Variants in IFNAR2 observed in about 807,000 individuals in gnomAD.
IFNAR2 encodes interferon alpha/beta receptor 2.
Under a neutral mutation model 49.4 loss-of-function variants are expected in IFNAR2, and 30 were observed. The observed-to-expected ratio is 0.61, with a 90% CI of 0.45 to 0.82. The LOEUF (loss-of-function observed/expected upper bound fraction) is 0.82, where lower values mean the gene tolerates loss of function less well. IFNAR2 is among the 40% of genes least tolerant of loss of function. The probability of loss-of-function intolerance (pLI) is 0.00; values close to 1 mark genes in which losing one functional copy is unlikely to be tolerated. For synonymous variants in IFNAR2, 224 were observed against 234.5 expected (o/e 0.96, Z 0.41); for missense variants, 600 against 622.7 (o/e 0.96, Z 0.39).
At chr21:33,252,233 C>T in intron 6 of IFNAR2, 3 of 465,866 alleles carry the variant, frequency 6.4e-6, no homozygotes, top group South Asian at 1.6e-5. Flanking sequence ...ACAGTTTTCT[C>T]ATCCGTTGAA....
chr21:33,236,327 G>C (rs921945938), intron 1 of IFNAR2, among the ~76,000 whole-genome samples: 1 of 152,098 alleles, frequency 6.6e-6, no homozygotes. Context: ...GCTTCCCCTC[G>C]ATCCAGCCTG....
chr21:33,254,954 A>G (rs1347939622), intron 7 of IFNAR2, among the ~76,000 whole-genome samples: 1 of 152,182 alleles, frequency 6.6e-6, no homozygotes, highest in Non-Finnish European at 1.5e-5. Context: ...TGATATGGTC[A>G]CTTGTGAATG....
Position 33,230,378 on chromosome 21 carries a change from G to A in IFNAR2, c.-84+162G>A, listed in dbSNP as rs1166980445. ...CCCTCCCTCTGCGTCTTGAGTATGC[G>A]GCTAGTGCGCCCTTCCTCTCTCCCG... On this transcript the variant is annotated intron_variant, in intron 1 of 8. Transcript: ENST00000342136. The surrounding 1 kb of genome is among the most constrained non-coding windows in gnomAD (Gnocchi z 5.5). 6 of 580,464 alleles carry A rather than the reference G, an allele frequency of 1.0e-5. No individual in the cohort carries two copies. The East Asian group carries it at 5.7e-4, about 56-fold the overall frequency. 36.0% of individuals were successfully genotyped at this position (580,464 alleles called of 1,614,324 possible).
intron 1 of IFNAR2, among the ~76,000 whole-genome samples, 178 bp from the exon 2 acceptor site, chr21:33,241,662 C>A (rs8128785): frequency 0.25 from 37,327 of 152,020 alleles, 5,053 homozygotes; most frequent in African/African-American, 0.35. Context: ...ATTGTTGAAC[C>A]CAACGACTGT....
Position 33,244,941 on chromosome 21 carries a change from T to C in IFNAR2, c.98-10T>C, listed in dbSNP as rs1398355047. The C allele has an allele frequency of 6.2e-7, 1 of 1,613,372 alleles. No homozygotes were observed. Among genetic ancestry groups the C allele is most frequent in the Non-Finnish European group, 8.5e-7 (1 of 1,179,514 alleles). On this transcript the variant is annotated splice_polypyrimidine_tract_variant and intron_variant, in intron 3 of 8. Transcript: ENST00000342136. ...CCAAATTTCAATGCCCTTTTTCTTC[T>C]TCTCTTTAGATTACACAGATGAATC...
In IFNAR2 at chr21:33,252,753, A is replaced by G. The variant is rs1304251710; in HGVS notation, c.632A>G (p.Tyr211Cys). Residue 211 changes from tyrosine to cysteine, a missense_variant, in exon 7 of 9, where the codon TAT becomes TGT. Transcript: ENST00000342136. ...IPNTNYCVSV[Y>C]LEHSDEQAVI... Reference sequence around the variant, plus strand: ...AACACGAACTACTGTGTATCTGTTTATTTAGAGCACAGTGATGAGCAAGCA... The same window carrying G: ...AACACGAACTACTGTGTATCTGTTTGTTTAGAGCACAGTGATGAGCAAGCA... The G allele has an allele frequency of 6.2e-7, 1 of 1,613,952 alleles. No homozygotes were observed. The highest frequency in any genetic ancestry group is 1.1e-5 in the South Asian group (1 of 91,078).
rs535007432 is a variant in IFNAR2, at chr21:33,263,553, T to C, written c.*53T>C. The C allele has an allele frequency of 9.5e-5, 143 of 1,512,018 alleles. No homozygotes were observed. In the African/African-American group the frequency reaches 1.9e-3, roughly 20 times the overall value. 93.7% of individuals were successfully genotyped at this position (1,512,018 alleles called of 1,614,324 possible). On this transcript the variant is annotated 3_prime_UTR_variant, in exon 9 of 9. Transcript: ENST00000342136. ...AGACAAGCACCTACAGGGTTCTTTG[T>C]CTCTGCATCCTAACTTGCTGCCTTA...
chr21:33,261,035 C>CTTT (rs368696822), intron 8 of IFNAR2, among the ~76,000 whole-genome samples: 1,357 of 95,908 alleles, frequency 0.014, 97 homozygotes, highest in African/African-American at 0.053. Context: ...GTTTTCTTTC[C>CTTT]TTTTTTTTTT....
At chr21:33,241,271 A>G (rs1383013871) in intron 1 of IFNAR2, among the ~76,000 whole-genome samples, 1 of 152,196 alleles carries the variant, frequency 6.6e-6, no homozygotes, top group Non-Finnish European at 1.5e-5. Context: ...TTGTCTAGCA[A>G]TTCTACTTCT....
rs773793948 is a variant in IFNAR2, at chr21:33,246,813, A to G, written c.317A>G (p.Tyr106Cys). The G allele has an allele frequency of 1.7e-5, 27 of 1,614,072 alleles. No homozygotes were observed. The highest frequency in any genetic ancestry group is 1.6e-4 in the Middle Eastern group (1 of 6,084). Residue 106 changes from tyrosine to cysteine, a missense_variant, in exon 5 of 9, where the codon TAT becomes TGT. By Grantham distance (194) the Tyr-to-Cys change is radical. Coordinates refer to ENST00000342136, the MANE Select transcript of IFNAR2 (RefSeq NM_001289125.3). ...GAGTGGAGAAGCACACACGAGGCCT[A>G]TGTCACCGTCCTAGAAGGATTCAGC... The part of the protein sequence containing the change: ...TDEWRSTHEA[Y>C]VTVLEGFSGN...
At chr21:33,239,562 C>T (rs913561795) in intron 1 of IFNAR2, among the ~76,000 whole-genome samples, 17 of 149,020 alleles carry the variant, frequency 1.1e-4, no homozygotes, top group African/African-American at 4.2e-4. Flanking sequence ...CCAGAGTGGT[C>T]ACAGCCCTCA....
intron 1 of IFNAR2, among the ~76,000 whole-genome samples, chr21:33,235,209 T>G (rs1986357396): frequency 6.6e-6 from 1 of 152,228 alleles, no homozygotes; most frequent in Admixed American, 6.5e-5. Flanking sequence ...TCCTGTCTTA[T>G]CAGCAGGGTC....
At chr21:33,246,692 CT>C (rs751130467) in intron 4 of IFNAR2, 25 bp from the exon 5 acceptor site, 1 of 1,596,942 alleles carries the variant, frequency 6.3e-7, no homozygotes, top group Non-Finnish European at 8.5e-7. Flanking sequence ...TAACAATTTC[CT>C]TTTTCCATTT....
rs150451101 is a variant in IFNAR2, at chr21:33,237,844, A to G, written c.-83-3996A>G. Among the ~76,000 whole-genome samples the G allele has an allele frequency of 1.1e-4, 17 of 152,256 alleles. 1 individual carries two copies. In the East Asian group the frequency reaches 3.3e-3, roughly 29 times the overall value. Reference sequence around the variant, plus strand: ...GCAGCAGAGAAGACTTAAAAATTACATTGTTTTTAGCTTGAACTTCGTCTT... The same window carrying G: ...GCAGCAGAGAAGACTTAAAAATTACGTTGTTTTTAGCTTGAACTTCGTCTT... On this transcript the variant is annotated intron_variant, in intron 1 of 8. Coordinates refer to ENST00000342136, the MANE Select transcript of IFNAR2 (RefSeq NM_001289125.3).
chr21:33,253,811 G>C (rs952810402), intron 7 of IFNAR2, among the ~76,000 whole-genome samples: 4 of 152,162 alleles, frequency 2.6e-5, no homozygotes, highest in Non-Finnish European at 4.4e-5. Context: ...CATGGTGCTG[G>C]TGAGAGTGTG....
intron 1 of IFNAR2, among the ~76,000 whole-genome samples, chr21:33,232,679 A>AATCACAAC (rs1407958352): frequency 1.3e-5 from 2 of 151,440 alleles, no homozygotes; most frequent in East Asian, 3.9e-4. Context: ...GAGGAAACTG[A>AATCACAAC]ATCACAACAT....
chr21:33,231,443 T>G (rs1227850137), intron 1 of IFNAR2, among the ~76,000 whole-genome samples: 3 of 152,190 alleles, frequency 2.0e-5, no homozygotes, highest in Non-Finnish European at 4.4e-5. Flanking sequence ...CCTCTAAAGT[T>G]TCTCATGTAT....
intron 2 of IFNAR2, 105 bp from the exon 3 acceptor site, chr21:33,243,568 C>G (rs1333152898): frequency 5.7e-6 from 6 of 1,053,386 alleles, no homozygotes; most frequent in Non-Finnish European, 8.7e-6. Context: ...AAATCTCAAT[C>G]TGATACCAAT....
intron 2 of IFNAR2, among the ~76,000 whole-genome samples, chr21:33,243,027 G>A (rs1485761200): frequency 6.6e-6 from 1 of 151,244 alleles, no homozygotes; most frequent in African/African-American, 2.4e-5. Flanking sequence ...GACCTCAAGT[G>A]ATCCACCGCC....
Sources: gnomAD v4.1 joint callset for allele counts (sites outside exome capture counted in the v4.1 genomes callset) on GRCh38, gnomAD v4.1.1 for gene constraint, Gnocchi (gnomAD v3.1) non-coding constraint, MANE v1.5 for transcripts, NCBI Gene and HGNC (gene_info 2026-07-23, HGNC 2026-07-21) for gene names.